The following SLC38A1 variants were observed in gnomAD, a reference collection of about 807,000 sequenced individuals.
SLC38A1 encodes sodium-coupled neutral amino acid symporter 1.
In SLC38A1, 18 loss-of-function variants were observed where a neutral mutation model predicts 60.3. The observed-to-expected ratio is 0.30, with a 90% CI of 0.21 to 0.44. The LOEUF (loss-of-function observed/expected upper bound fraction) is 0.44. Among genes scored for constraint, SLC38A1 ranks in the 20% least tolerant of loss-of-function variants. The pLI is 1.00. For missense variants in SLC38A1, 448 were observed against 587.2 expected (o/e 0.76, Z 2.45); for synonymous variants, 196 against 212.1 (o/e 0.92, Z 0.66).
At position 46,197,721 on chromosome 12, in the gene SLC38A1, C is replaced by A. The variant is rs1465329843; in HGVS notation, c.1361G>T (p.Trp454Leu). 8.2e-6 allele frequency: 13 copies of A among 1,575,962 alleles called. No homozygotes were observed. In the Admixed American group the frequency reaches 2.5e-4, roughly 30 times the overall value. ...TAGAGTGGCTGGCAAGAGACATACC[C>A]AAATTCTTTGAGTTCCTTTATCTCC... ...QDGDKGTQRI[W>L]AALFLGLGVL... Residue 454 changes from tryptophan to leucine, a missense_variant and splice_region_variant, in exon 16 of 17, where the codon TGG becomes TTG. Trp to Leu is a moderately conservative substitution (Grantham distance 61, BLOSUM62 -2). Around this residue, in one of 2 missense-constraint regions of SLC38A1, gnomAD observed 346 missense variants for 497.5 expected, o/e 0.70. Transcript: ENST00000398637.
chr12:46,199,328 TGTGTG>T (rs1269368315), intron 13 of SLC38A1, among the ~76,000 whole-genome samples: 3 of 63,830 alleles, frequency 4.7e-5, no homozygotes, highest in South Asian at 3.5e-4. Context: ...TGTGTGTGTG[TGTGTG>T]TGTGTGTGTG....
chr12:46,259,940 G>A (rs551206219), intron 1 of SLC38A1, among the ~76,000 whole-genome samples: 6 of 152,220 alleles, frequency 3.9e-5, no homozygotes, highest in Admixed American at 2.6e-4. Flanking sequence ...AATCATGCCT[G>A]ATTAGGAAAT....
chr12:46,260,134 G>T (rs1040390110), intron 1 of SLC38A1, among the ~76,000 whole-genome samples: 3 of 152,124 alleles, frequency 2.0e-5, no homozygotes, highest in Non-Finnish European at 2.9e-5. Flanking sequence ...GTAAATTATT[G>T]TGACCATTGT....
rs1938879224 is a variant in SLC38A1 at position 46,184,763 on chromosome 12, T to G, written c.*4207A>C. Reference sequence around the variant, plus strand: ...TTCAGTATTTCTTCTAAGTCTGCATTTACAAAGGGTCTTTTATTTTAATTT... The same window carrying G: ...TTCAGTATTTCTTCTAAGTCTGCATGTACAAAGGGTCTTTTATTTTAATTT... On this transcript the variant is annotated 3_prime_UTR_variant, in exon 17 of 17. Coordinates refer to ENST00000398637, the MANE Select transcript of SLC38A1 (RefSeq NM_030674.4). The G allele has an allele frequency of 6.6e-6, 1 of 152,178 alleles. No individual in the cohort carries two copies. The highest frequency in any genetic ancestry group is 1.5e-5 in the Non-Finnish European group (1 of 68,028). 9.4% of individuals were successfully genotyped at this position (152,178 alleles called of 1,614,324 possible). A position where few individuals can be genotyped will look rare whatever the true frequency, so the allele number is the denominator to read the frequency against.
chr12:46,197,505 T>C, intron 16 of SLC38A1: 3 of 418,988 alleles, frequency 7.2e-6, no homozygotes, highest in Non-Finnish European at 1.3e-5. Flanking sequence ...AGACTCCATC[T>C]CAAAAAAAAA....
intron 12 of SLC38A1, among the ~76,000 whole-genome samples, chr12:46,202,632 T>C (rs1204952352): frequency 6.6e-6 from 1 of 152,234 alleles, no homozygotes; most frequent in African/African-American, 2.4e-5. Flanking sequence ...AGAGACGATG[T>C]ATTTAGCAGT....
intron 3 of SLC38A1, among the ~76,000 whole-genome samples, chr12:46,231,412 T>A (rs991839046): frequency 6.6e-6 from 1 of 152,204 alleles, no homozygotes; most frequent in African/African-American, 2.4e-5. Context: ...ACTGGACTTG[T>A]ACCTCCTAAA....
intron 16 of SLC38A1, chr12:46,196,185 T>A (rs1210794782): frequency 2.0e-6 from 3 of 1,536,072 alleles, no homozygotes; most frequent in Non-Finnish European, 2.6e-6. Flanking sequence ...TTCCTTGCGC[T>A]TGAGCATGTT....
Sources: allele counts gnomAD v4.1 joint callset (sites outside exome capture counted in the v4.1 genomes callset), GRCh38; gene constraint gnomAD v4.1.1; regional missense constraint gnomAD v4.1.1; transcripts MANE v1.5; gene names NCBI Gene and HGNC (gene_info 2026-07-23, HGNC 2026-07-21).